PDE4B: variants seen among roughly 807,000 people sequenced by gnomAD.
PDE4B encodes the protein phosphodiesterase 4B.
A neutral mutation model predicts 82.2 loss-of-function variants in PDE4B; 20 were observed. The ratio of observed to expected loss-of-function variants is 0.24; its 90% CI spans 0.17 to 0.35. PDE4B has a LOEUF of 0.35. PDE4B is among the 10% of genes least tolerant of loss of function. The probability of loss-of-function intolerance (pLI) is 1.00; values close to 1 mark genes in which losing one functional copy is unlikely to be tolerated. For synonymous variants in PDE4B, 320 were observed against 318.9 expected, an observed-to-expected ratio of 1.00 and a Z score of -0.04; for missense variants, 655 against 907.2, an observed-to-expected ratio of 0.72 and a Z score of 3.57.
intron 3 of PDE4B, among the ~76,000 whole-genome samples, chr1:65,973,399 T>C (rs1216846999): frequency 6.6e-6 from 1 of 152,130 alleles, no homozygotes; most frequent in Non-Finnish European, 1.5e-5. Flanking sequence ...ATGTTTAGAG[T>C]GAGACAGCTG....
intron 3 of PDE4B, among the ~76,000 whole-genome samples, chr1:66,223,461 C>G (rs1651167489): frequency 6.6e-6 from 1 of 152,150 alleles, no homozygotes; most frequent in Non-Finnish European, 1.5e-5. Flanking sequence ...TCCAAGCCTC[C>G]CATAATCATT....
intron 3 of PDE4B, among the ~76,000 whole-genome samples, chr1:66,235,376 C>A (rs1652328329): frequency 6.6e-6 from 1 of 151,950 alleles, no homozygotes; most frequent in African/African-American, 2.4e-5. Flanking sequence ...GTTTGAAACT[C>A]TATTAATAGG....
intron 3 of PDE4B, among the ~76,000 whole-genome samples, chr1:66,085,666 A>G (rs1656965887): frequency 6.6e-6 from 1 of 152,066 alleles, no homozygotes; most frequent in African/African-American, 2.4e-5. Context: ...GCAGATGAAA[A>G]CAAAATGATA....
chr1:65,909,563 G>A (rs1440812114), intron 1 of PDE4B, among the ~76,000 whole-genome samples: 2 of 152,008 alleles, frequency 1.3e-5, no homozygotes, highest in Non-Finnish European at 2.9e-5. Flanking sequence ...ACGTTATGAA[G>A]GACTAATATA....
intron 3 of PDE4B, among the ~76,000 whole-genome samples, chr1:66,200,900 G>A (rs1648860533): frequency 1.3e-5 from 2 of 152,140 alleles, no homozygotes; most frequent in Non-Finnish European, 2.9e-5. Flanking sequence ...GGAGTGGTGA[G>A]AGAGGACATC....
intron 3 of PDE4B, among the ~76,000 whole-genome samples, chr1:66,148,958 T>C (rs1160609946): frequency 6.6e-6 from 1 of 152,218 alleles, no homozygotes; most frequent in Non-Finnish European, 1.5e-5. Context: ...AACAATGCTG[T>C]TATGAGCATC....
At chr1:65,920,141 T>C (rs560924139) in intron 3 of PDE4B, among the ~76,000 whole-genome samples, 1 of 152,360 alleles carries the variant, frequency 6.6e-6, no homozygotes, top group East Asian at 1.9e-4. Context: ...AATTACGGAT[T>C]TGGAGTCTTA....
chr1:66,203,378 A>G (rs1211154319), intron 3 of PDE4B, among the ~76,000 whole-genome samples: 1 of 152,024 alleles, frequency 6.6e-6, no homozygotes, highest in African/African-American at 2.4e-5. Flanking sequence ...GTATTTCCTG[A>G]ATCTGAAGTT....
intron 3 of PDE4B, among the ~76,000 whole-genome samples, chr1:65,937,506 G>C (rs1373074728): frequency 1.3e-5 from 2 of 152,158 alleles, no homozygotes; most frequent in African/African-American, 2.4e-5. Context: ...CCATAGATGT[G>C]CAAATGCCAG....
chr1:66,318,615 A>G (rs1005478851), intron 7 of PDE4B, among the ~76,000 whole-genome samples: 7 of 152,248 alleles, frequency 4.6e-5, no homozygotes, highest in African/African-American at 1.7e-4. Flanking sequence ...TATGACCTAG[A>G]ATAGTGCTTC....
At chr1:66,342,967 C>A (rs780370308) in intron 8 of PDE4B, among the ~76,000 whole-genome samples, 2 of 151,996 alleles carry the variant, frequency 1.3e-5, no homozygotes, top group Non-Finnish European at 2.9e-5. Context: ...ATCGCTTGAG[C>A]CCTGGAGGCA....
At chr1:65,886,757 C>T (rs1344847486) in intron 1 of PDE4B, among the ~76,000 whole-genome samples, 3 of 152,166 alleles carry the variant, frequency 2.0e-5, no homozygotes, top group Non-Finnish European at 4.4e-5. Flanking sequence ...ACGTATACCA[C>T]ATTTTCTCAA....
chr1:66,076,040 CT>C (rs1656420227), intron 3 of PDE4B, among the ~76,000 whole-genome samples: 1 of 150,876 alleles, frequency 6.6e-6, no homozygotes. Context: ...TTTCTTCTAA[CT>C]TTTGTTATAG....
chr1:66,036,662 T>C (rs1654079870), intron 3 of PDE4B, among the ~76,000 whole-genome samples: 1 of 152,182 alleles, frequency 6.6e-6, no homozygotes, highest in Non-Finnish European at 1.5e-5. Flanking sequence ...CTCTCTGTCC[T>C]ATACCATTAG....
At chr1:65,814,199 G>A (rs945676864) in intron 1 of PDE4B, among the ~76,000 whole-genome samples, 1 of 152,098 alleles carries the variant, frequency 6.6e-6, no homozygotes, top group African/African-American at 2.4e-5. Flanking sequence ...AACAGCTCAG[G>A]GTGTGTGTCA....
At chr1:65,950,622 TA>T (rs1394697493) in intron 3 of PDE4B, among the ~76,000 whole-genome samples, 11 of 152,026 alleles carry the variant, frequency 7.2e-5, no homozygotes, top group Non-Finnish European at 1.5e-4. Flanking sequence ...ACAACAGAAC[TA>T]GTCGTACATA....
rs1330826180 is a variant in PDE4B, at chr1:65,793,008, C to G, written c.-311C>G. On this transcript the variant is annotated 5_prime_UTR_variant, in exon 1 of 17. Transcript: ENST00000341517. ...CGCGCGCGCCCCCGGCCCGCGCGCCCCTTCCCGGGGCTCCTGGCCTCGCCT... is the reference window on the plus strand; with the variant it reads ...CGCGCGCGCCCCCGGCCCGCGCGCCGCTTCCCGGGGCTCCTGGCCTCGCCT... Among the ~76,000 whole-genome samples the G allele has an allele frequency of 6.6e-6, 1 of 151,810 alleles. No individual in the cohort carries two copies. Among genetic ancestry groups the G allele is most frequent in the Admixed American group, 6.6e-5 (1 of 15,242 alleles).
intron 3 of PDE4B, among the ~76,000 whole-genome samples, chr1:66,071,618 T>G: frequency 6.6e-6 from 1 of 152,124 alleles, no homozygotes; most frequent in Admixed American, 6.6e-5. Flanking sequence ...TTTTTGAGAA[T>G]TACTTTCCCC....
chr1:66,237,891 G>A (rs139000187), intron 3 of PDE4B, among the ~76,000 whole-genome samples: 6 of 152,282 alleles, frequency 3.9e-5, no homozygotes, highest in African/African-American at 1.2e-4. Flanking sequence ...GCACTAGTTA[G>A]TATACCGTTA....
Sources: allele counts gnomAD v4.1 joint callset (sites outside exome capture counted in the v4.1 genomes callset), GRCh38; gene constraint gnomAD v4.1.1; transcripts MANE v1.5; gene names NCBI Gene and HGNC (gene_info 2026-07-23, HGNC 2026-07-21).